Variants in SORBS3 observed in about 807,000 individuals in gnomAD.
SORBS3 encodes vinexin.
Under a neutral mutation model 98.0 loss-of-function variants are expected in SORBS3, and 69 were observed. The observed-to-expected ratio is 0.70, with a 90% CI of 0.58 to 0.86. SORBS3 has a LOEUF of 0.86. SORBS3 is among the 40% of genes least tolerant of loss of function. The pLI, the probability that SORBS3 is intolerant of heterozygous loss-of-function variation, is 0.00. For missense variants in SORBS3, 954 were observed against 908.5 expected (o/e 1.05, Z -0.64); for synonymous variants, 394 against 355.4 (o/e 1.11, Z -1.22).
intron 3 of SORBS3, among the ~76,000 whole-genome samples, chr8:22,556,145 C>T (rs1455780424): frequency 1.3e-5 from 2 of 152,230 alleles, no homozygotes; most frequent in Non-Finnish European, 2.9e-5. Context: ...AAGTTGAGGA[C>T]TCAGTCACAA....
intron 1 of SORBS3, among the ~76,000 whole-genome samples, chr8:22,553,465 C>T (rs1281487551): frequency 6.6e-6 from 1 of 152,194 alleles, no homozygotes; most frequent in African/African-American, 2.4e-5. Context: ...CAAAAAGCCC[C>T]CTTGGACACC....
intron 19 of SORBS3, 52 bp downstream of exon 19, chr8:22,571,873 G>C: frequency 7.7e-7 from 1 of 1,296,126 alleles, no homozygotes; most frequent in African/African-American, 1.5e-5. Flanking sequence ...TCACTGGCAG[G>C]CAATGCCCCA....
intron 3 of SORBS3, 85 bp from the exon 4 acceptor site, chr8:22,556,630 T>G: frequency 8.3e-7 from 1 of 1,207,026 alleles, no homozygotes; most frequent in Non-Finnish European, 1.2e-6. Context: ...CCCACAGAGA[T>G]CCATGCTCTG....
At chr8:22,568,706 A>G (rs1411389951) in intron 16 of SORBS3, among the ~76,000 whole-genome samples, 1 of 152,152 alleles carries the variant, frequency 6.6e-6, no homozygotes, top group African/African-American at 2.4e-5. Context: ...GCTGGGGTAG[A>G]TGGGGAGGAA....
intron 20 of SORBS3, 86 bp from the exon 21 acceptor site, chr8:22,574,581 C>A: frequency 1.5e-6 from 2 of 1,351,686 alleles, no homozygotes; most frequent in African/African-American, 1.5e-5. Context: ...CAGTTCTGGG[C>A]ACTGCCGGCA....
At chr8:22,565,012 G>A in intron 10 of SORBS3, 1 of 1,390,762 alleles carries the variant, frequency 7.2e-7, no homozygotes, top group Non-Finnish European at 9.3e-7. Context: ...GGCAGAAACT[G>A]GCAGGACTGC....
Position 22,566,342 on chromosome 8 carries a change from C to T in SORBS3, c.951-3C>T. On this transcript the variant is annotated splice_region_variant and splice_polypyrimidine_tract_variant and intron_variant, in intron 12 of 20. Coordinates refer to ENST00000240123, the MANE Select transcript of SORBS3 (RefSeq NM_005775.5). ...GGAGGCTCAGTCTCTGTGCCCCGTG[C>T]AGCCCGGCCTCAGCCTGGAGCTCCA... is the stretch of plus-strand genomic sequence containing the variant. 6.2e-7 allele frequency: 1 copy of T among 1,612,566 alleles called. No individual in the cohort carries two copies. Among genetic ancestry groups the T allele is most frequent in the Non-Finnish European group, 8.5e-7 (1 of 1,179,454 alleles).
In SORBS3 at chr8:22,555,347, G is replaced by C. The variant is rs1840164686; in HGVS notation, c.220+367G>C. ...GAAGGGGTGGAGACTGTCCCATTCAGGCCCAACAGGCTACCCAGCAGGAGG... is the reference window on the plus strand; with the variant it reads ...GAAGGGGTGGAGACTGTCCCATTCACGCCCAACAGGCTACCCAGCAGGAGG... On this transcript the variant is annotated intron_variant, in intron 3 of 20. Coordinates refer to ENST00000240123, the MANE Select transcript of SORBS3 (RefSeq NM_005775.5). Among the ~76,000 whole-genome samples, 6 of 152,288 alleles carry C rather than the reference G, an allele frequency of 3.9e-5. No individual in the cohort carries two copies. The South Asian group carries it at 1.0e-3, about 26-fold the overall frequency.
chr8:22,554,428 CCCTT>C lies in SORBS3; in HGVS notation c.-55-16_-55-13del, dbSNP rs574478872. ...GGGCAGCCTAGCCTAGCAGGGCTTT[CCCTT>C]CCTTCCTCCTTCCCCACAGAGGACA... On this transcript the variant is annotated intron_variant, in intron 1 of 20. Coordinates refer to ENST00000240123, the MANE Select transcript of SORBS3 (RefSeq NM_005775.5). This position sits in a 1 kb window ranked among gnomAD's most constrained non-coding sequence, Gnocchi z 6.5. 1.9e-4 allele frequency: 290 copies of C among 1,554,498 alleles called. 5 individuals are homozygous for C. The South Asian group carries it at 3.3e-3, about 18-fold the overall frequency.
intron 11 of SORBS3, 156 bp from the exon 12 acceptor site, chr8:22,565,670 C>T: frequency 1.7e-6 from 2 of 1,209,342 alleles, no homozygotes; most frequent in Non-Finnish European, 2.1e-6. Context: ...CTAGTTCCCG[C>T]CCCGCTCCCG....
rs1339575426 is a variant in SORBS3 at position 22,570,857 on chromosome 8, G to C, written c.1432-53G>C. 7 of 1,520,576 alleles carry C rather than the reference G, an allele frequency of 4.6e-6. No homozygotes were observed. In the African/African-American group the frequency reaches 6.8e-5, roughly 15 times the overall value. 94.2% of individuals were successfully genotyped at this position (1,520,576 alleles called of 1,614,324 possible). ...ATGAGACAGCCCAGATAAGGCACCC[G>C]TGGGTCCATGGCACCAGGAAGGCCC... On this transcript the variant is annotated intron_variant, in intron 17 of 20. Transcript: ENST00000240123.
At chr8:22,550,995 A>G (rs779272761), upstream of SORBS3, among the ~76,000 whole-genome samples, 4 of 152,350 alleles carry the variant, frequency 2.6e-5, no homozygotes, top group Admixed American at 6.5e-5. Flanking sequence ...GGGGATGACC[A>G]GAATGGATGG....
In SORBS3 at chr8:22,565,836, C is replaced by T; in HGVS notation, c.914C>T (p.Ala305Val). Residue 305 changes from alanine to valine, a missense_variant, in exon 12 of 21, where the codon GCG (alanine) becomes GTG (valine). By Grantham distance (64) the Ala-to-Val change is moderately conservative. Coordinates refer to ENST00000240123, the MANE Select transcript of SORBS3 (RefSeq NM_005775.5). The part of the protein sequence containing the change: ...TRLPSPKSSP[A>V]PRRAPEQRPP... ...CGTTTCCCCGCGCAGAGCTCGCCGG[C>T]GCCCCGACGGGCCCCGGAGCAGCGG... 1.5e-6 allele frequency: 2 copies of T among 1,302,158 alleles called. No individual in the cohort carries two copies. Among genetic ancestry groups the T allele is most frequent in the South Asian group, 2.1e-5 (1 of 47,334 alleles). 80.7% of individuals were successfully genotyped at this position (1,302,158 alleles called of 1,614,324 possible). A position where few individuals can be genotyped will look rare whatever the true frequency, so the allele number is the denominator to read the frequency against.
upstream of SORBS3, among the ~76,000 whole-genome samples, chr8:22,551,149 C>T (rs1205260718): frequency 6.9e-6 from 1 of 145,970 alleles, no homozygotes; most frequent in Non-Finnish European, 1.5e-5. The surrounding 1 kb of genome is among the most constrained non-coding windows in gnomAD (Gnocchi z 5.8). Context: ...CACCCTTATC[C>T]TCTTTAGGGG....
At position 22,561,724 on chromosome 8, in the gene SORBS3, A is replaced by T. The variant is rs988056861; in HGVS notation, c.518-141A>T. ...ATGCCCGCGTTCAGTGTCCCTGAGC[A>T]CCAACCACCCTGCCCCCACCATCCA... On this transcript the variant is annotated intron_variant, in intron 6 of 20. Coordinates refer to ENST00000240123, the MANE Select transcript of SORBS3 (RefSeq NM_005775.5). 5.5e-5 allele frequency: 41 copies of T among 742,348 alleles called. No individual in the cohort carries two copies. In the African/African-American group the frequency reaches 5.6e-4, roughly 10 times the overall value. 46.0% of individuals were successfully genotyped at this position (742,348 alleles called of 1,614,324 possible).
At chr8:22,564,830 T>G (rs1485267028) in intron 10 of SORBS3, 1 of 1,252,756 alleles carries the variant, frequency 8.0e-7, no homozygotes, top group Non-Finnish European at 1.0e-6. Flanking sequence ...AGGGCCTGAT[T>G]CGGCGAAGAC....
intron 1 of SORBS3, among the ~76,000 whole-genome samples, chr8:22,546,611 G>A (rs534127159): frequency 6.6e-6 from 1 of 152,268 alleles, no homozygotes; most frequent in South Asian, 2.1e-4. Flanking sequence ...TTGAAGAAAA[G>A]GAAGAAAGAC....
In SORBS3 at chr8:22,564,161, G is replaced by C. The variant is rs1840353848; in HGVS notation, c.675+84G>C. 3 of 1,508,562 alleles carry C rather than the reference G, an allele frequency of 2.0e-6. No homozygotes were observed. In the South Asian group the frequency reaches 3.4e-5, roughly 17 times the overall value. The allele number at this position is 1,508,562 out of a possible 1,614,324, so 93.4% of individuals were successfully genotyped here. On this transcript the variant is annotated intron_variant, in intron 8 of 20. Transcript: ENST00000240123. Reference sequence around the variant, plus strand: ...CTATGCCACGATGTCCTTTCAGCTTGAATCCCTTGGAGGACACCGTGGGCC... The same window carrying C: ...CTATGCCACGATGTCCTTTCAGCTTCAATCCCTTGGAGGACACCGTGGGCC...
At chr8:22,548,228 C>T (rs1586884105), upstream of SORBS3, among the ~76,000 whole-genome samples, 1 of 152,222 alleles carries the variant, frequency 6.6e-6, no homozygotes, top group East Asian at 1.9e-4. Flanking sequence ...CATTTGCACT[C>T]CCTTCTTCTG....
Sources: gnomAD v4.1 joint callset for allele counts (sites outside exome capture counted in the v4.1 genomes callset) on GRCh38, gnomAD v4.1.1 for gene constraint, Gnocchi (gnomAD v3.1) non-coding constraint, MANE v1.5 for transcripts, NCBI Gene and HGNC (gene_info 2026-07-23, HGNC 2026-07-21) for gene names.